Variants in ATF2 observed in about 807,000 individuals in gnomAD.
ATF2 encodes the protein activating transcription factor 2, also known as cyclic AMP-dependent transcription factor ATF-2.
ATF2 carries 24 observed loss-of-function variants against 60.6 expected under a neutral mutation model. The ratio of observed to expected loss-of-function variants is 0.40; its 90% confidence interval spans 0.29 to 0.56. The LOEUF is 0.56. Ranked by LOEUF, ATF2 falls within the 20% of genes least tolerant of loss-of-function variation. The pLI is 0.54. For missense variants in ATF2, 433 were observed against 607.7 expected (o/e 0.71, Z 3.02); for synonymous variants, 206 against 215.4 (o/e 0.96, Z 0.38).
chr2:175,092,554 A>C, intron 12 of ATF2: 3 of 440,338 alleles, frequency 6.8e-6, no homozygotes, highest in South Asian at 5.3e-5. Flanking sequence ...TGGTCTGTGG[A>C]TAATTAGAGT....
chr2:175,133,631 A>T (rs180728438), intron 3 of ATF2, among the ~76,000 whole-genome samples: 1 of 152,196 alleles, frequency 6.6e-6, no homozygotes, highest in African/African-American at 2.4e-5. Flanking sequence ...TGTTATGTCA[A>T]TTAAGGATTC....
chr2:175,134,269 C>A (rs75823177), intron 3 of ATF2, among the ~76,000 whole-genome samples: 1 of 152,168 alleles, frequency 6.6e-6, no homozygotes, highest in East Asian at 1.9e-4. Flanking sequence ...GGAGGATGTG[C>A]ATAGGTGATA....
At chr2:175,150,252 T>C (rs961968825) in intron 2 of ATF2, among the ~76,000 whole-genome samples, 4 of 152,184 alleles carry the variant, frequency 2.6e-5, no homozygotes, top group Non-Finnish European at 5.9e-5. Context: ...ACTATACTTT[T>C]ATGCATAGTT....
intron 10 of ATF2, among the ~76,000 whole-genome samples, chr2:175,108,664 A>G (rs13421139): frequency 0.26 from 39,681 of 152,104 alleles, 6,164 homozygotes; most frequent in African/African-American, 0.44. Context: ...CCACCACCCC[A>G]TCTGGGAGGT....
chr2:175,101,138 A>G (rs763234599), intron 10 of ATF2, among the ~76,000 whole-genome samples: 25 of 152,216 alleles, frequency 1.6e-4, no homozygotes, highest in Non-Finnish European at 3.2e-4. Flanking sequence ...AAACAACTAT[A>G]TTAGTAGCTA....
chr2:175,098,598 CT>C (rs35112415), intron 10 of ATF2, among the ~76,000 whole-genome samples: 14,513 of 152,178 alleles, frequency 0.095, 766 homozygotes, highest in Middle Eastern at 0.17. Context: ...CTACCCAGTG[CT>C]TCCCAAACTT....
rs1196713355 is a variant in ATF2 at position 175,093,007 on chromosome 2, T to C, written c.1185+54A>G. The C allele has an allele frequency of 8.3e-6, 13 of 1,570,004 alleles. No homozygotes were observed. The African/African-American group carries it at 9.6e-5, about 12-fold the overall frequency. ...GCCCAACTAGGAAAAAAAAAATCTA[T>C]GTTCACAATTATTAAAAAAGAAATA... On this transcript the variant is annotated intron_variant, in intron 12 of 13. Transcript: ENST00000264110.
intron 10 of ATF2, among the ~76,000 whole-genome samples, chr2:175,109,168 T>TAAAAAAA (rs66812318): frequency 7.3e-4 from 60 of 82,510 alleles, no homozygotes; most frequent in East Asian, 2.3e-3. Flanking sequence ...GAATGATCAA[T>TAAAAAAA]AAAAAAAAAA....
chr2:175,144,897 G>T (rs1475803339), intron 2 of ATF2, among the ~76,000 whole-genome samples: 1 of 152,184 alleles, frequency 6.6e-6, no homozygotes, highest in Non-Finnish European at 1.5e-5. Flanking sequence ...GAGGAAAGGT[G>T]AGTGCCTAAT....
At chr2:175,103,677 T>TAAA (rs75197426) in intron 10 of ATF2, among the ~76,000 whole-genome samples, 3 of 129,876 alleles carry the variant, frequency 2.3e-5, no homozygotes, top group South Asian at 2.5e-4. Flanking sequence ...TCACACATCT[T>TAAA]AAAAAAAAAA....
At chr2:175,125,055 C>T (rs1697236382) in intron 4 of ATF2, among the ~76,000 whole-genome samples, 1 of 151,928 alleles carries the variant, frequency 6.6e-6, no homozygotes, top group Non-Finnish European at 1.5e-5. Flanking sequence ...TGTATTGTCA[C>T]CAAAATAGAT....
intron 10 of ATF2, among the ~76,000 whole-genome samples, chr2:175,097,958 G>A (rs557341719): frequency 6.6e-6 from 1 of 152,192 alleles, no homozygotes; most frequent in Admixed American, 6.5e-5. Context: ...TTAATTATTG[G>A]ATTGTACTGG....
At chr2:175,135,129 G>C (rs1698050535) in intron 3 of ATF2, among the ~76,000 whole-genome samples, 1 of 151,486 alleles carries the variant, frequency 6.6e-6, no homozygotes, top group Non-Finnish European at 1.5e-5. Flanking sequence ...ACAAGTGGAA[G>C]AGGAAGAATA....
rs1693870726 is a variant in ATF2, at chr2:175,083,018, C to T, written c.1186-2253G>A. 2.0e-5 allele frequency among the ~76,000 whole-genome samples: 3 copies of T among 152,106 alleles called. No individual in the cohort carries two copies. The South Asian group carries it at 6.2e-4, about 32-fold the overall frequency. On this transcript the variant is annotated intron_variant, in intron 12 of 13. Transcript: ENST00000264110. ...AAGAGGATACAAACAAATGGAAGAA[C>T]ATTCCATGCTCATGGGTAGGAAGAA...
intron 2 of ATF2, among the ~76,000 whole-genome samples, chr2:175,144,553 A>G (rs1258846780): frequency 6.6e-6 from 1 of 152,254 alleles, no homozygotes; most frequent in East Asian, 1.9e-4. Context: ...ATAAAAGTTA[A>G]GCCACCAGAG....
intron 4 of ATF2, among the ~76,000 whole-genome samples, chr2:175,123,541 A>G (rs1697113044): frequency 6.6e-6 from 1 of 151,940 alleles, no homozygotes; most frequent in Non-Finnish European, 1.5e-5. Context: ...GATTAGTTTG[A>G]CCCCAAATAT....
chr2:175,136,799 A>C (rs920041340), intron 2 of ATF2, among the ~76,000 whole-genome samples: 1 of 152,214 alleles, frequency 6.6e-6, no homozygotes, highest in Non-Finnish European at 1.5e-5. Context: ...TTGAACACTG[A>C]TGAGAATGAT....
chr2:175,090,030 A>G (rs1309453397), intron 12 of ATF2, among the ~76,000 whole-genome samples: 1 of 152,162 alleles, frequency 6.6e-6, no homozygotes, highest in East Asian at 1.9e-4. Context: ...GTAATTTACC[A>G]AGGTGAGATT....
chr2:175,147,638 T>C (rs921428013), intron 2 of ATF2, among the ~76,000 whole-genome samples: 9 of 152,244 alleles, frequency 5.9e-5, no homozygotes, highest in Non-Finnish European at 1.3e-4. Flanking sequence ...CTATTTTGTA[T>C]CTAATACCAT....
Sources: allele counts gnomAD v4.1 joint callset (sites outside exome capture counted in the v4.1 genomes callset), GRCh38; gene constraint gnomAD v4.1.1; transcripts MANE v1.5; gene names NCBI Gene and HGNC (gene_info 2026-07-23, HGNC 2026-07-21).